Variants in OSBPL2 observed in about 807,000 individuals in gnomAD.
OSBPL2 encodes the protein oxysterol binding protein like 2, also known as oxysterol-binding protein-related protein 2.
A neutral mutation model predicts 58.4 loss-of-function variants in OSBPL2; 18 were observed. That is an observed-to-expected ratio of 0.31 (90% CI 0.21 to 0.46). The LOEUF (loss-of-function observed/expected upper bound fraction) is 0.46. OSBPL2 is among the 20% of genes least tolerant of loss of function. The pLI is 1.00. For missense variants in OSBPL2, 461 were observed against 616.5 expected (o/e 0.75, Z 2.67); for synonymous variants, 221 against 234.1 (o/e 0.94, Z 0.51).
Position 62,266,129 on chromosome 20 carries a change from AAAAT to A in OSBPL2, c.258+2446_258+2449del, listed in dbSNP as rs572690109. Among the ~76,000 whole-genome samples, 137 of 152,318 alleles carry A rather than the reference AAAAT, an allele frequency of 9.0e-4. No homozygotes were observed. In the South Asian group the frequency reaches 0.024, roughly 27 times the overall value. ...AGAGGGAAACCTTGTCTCTTAAAAA[AAAAT>A]AAATAAAGATTCTAGGACCAAAAGC... On this transcript the variant is annotated intron_variant, in intron 4 of 13. Transcript: ENST00000313733.
chr20:62,241,261 C>G (rs1303612055), intron 1 of OSBPL2, among the ~76,000 whole-genome samples: 1 of 152,032 alleles, frequency 6.6e-6, no homozygotes, highest in Non-Finnish European at 1.5e-5. Flanking sequence ...AACGCGAACT[C>G]AGCTCACTGC....
At chr20:62,243,274 C>T (rs890165545) in intron 1 of OSBPL2, among the ~76,000 whole-genome samples, 4 of 152,180 alleles carry the variant, frequency 2.6e-5, no homozygotes, top group Admixed American at 2.0e-4. Context: ...TGTAGCAGAG[C>T]TGGGAGTCTC....
chr20:62,250,603 G>C (rs1980459747), intron 1 of OSBPL2, among the ~76,000 whole-genome samples: 2 of 152,152 alleles, frequency 1.3e-5, no homozygotes, highest in Admixed American at 6.5e-5. Flanking sequence ...TTAGACTTTT[G>C]TTATAGGCAG....
At chr20:62,251,753 T>C (rs1298204885) in intron 1 of OSBPL2, among the ~76,000 whole-genome samples, 1 of 151,650 alleles carries the variant, frequency 6.6e-6, no homozygotes, top group Non-Finnish European at 1.5e-5. Context: ...TACCATCAGA[T>C]ACTCACTGTG....
chr20:62,264,714 C>G (rs1981558894), intron 4 of OSBPL2: 1 of 152,210 alleles, frequency 6.6e-6, no homozygotes. Flanking sequence ...TCGGAATAAC[C>G]ATAGGTCAGT....
rs1388254750 is a variant in OSBPL2 at position 62,288,469 on chromosome 20, C to T, written c.1126-738C>T. ...GCTGGGAGGCTGTGGGTACAGAGGCCGGAGGCTGTGGGTGCAGAGGCTGGG... is the reference window on the plus strand; with the variant it reads ...GCTGGGAGGCTGTGGGTACAGAGGCTGGAGGCTGTGGGTGCAGAGGCTGGG... On this transcript the variant is annotated intron_variant, in intron 11 of 13. Coordinates refer to ENST00000313733, the MANE Select transcript of OSBPL2 (RefSeq NM_144498.4). The surrounding 1 kb of genome is among the most constrained non-coding windows in gnomAD (Gnocchi z 4.8). Among the ~76,000 whole-genome samples the T allele has an allele frequency of 7.6e-5, 10 of 131,556 alleles. No individual in the cohort carries two copies. The highest frequency in any genetic ancestry group is 3.1e-4 in the Admixed American group (4 of 12,762). The allele number at this position is 131,556 out of a possible 152,430, so 86.3% of individuals were successfully genotyped here.
rs1983265195 is a variant in OSBPL2 at position 62,288,368 on chromosome 20, C to CTGCAGAGGCCGGAGGCTGTGGG, written c.1126-829_1126-808dup. On this transcript the variant is annotated intron_variant, in intron 11 of 13. Transcript: ENST00000313733. The surrounding 1 kb of genome is among the most constrained non-coding windows in gnomAD (Gnocchi z 4.8). ...CTGAGTGGAGCCAGGGCCCTGAGGGCTGCAGAGGCCGGAGGCTGTGGGTGC... is the reference window on the plus strand; with the variant it reads ...CTGAGTGGAGCCAGGGCCCTGAGGGCTGCAGAGGCCGGAGGCTGTGGGTGCAGAGGCCGGAGGCTGTGGGTGC... 6.6e-6 allele frequency among the ~76,000 whole-genome samples: 1 copy of CTGCAGAGGCCGGAGGCTGTGGG among 151,652 alleles called. No individual in the cohort carries two copies. The highest frequency in any genetic ancestry group is 1.9e-4 in the East Asian group (1 of 5,166).
At chr20:62,245,212 C>A (rs1273510632) in intron 1 of OSBPL2, among the ~76,000 whole-genome samples, 1 of 151,852 alleles carries the variant, frequency 6.6e-6, no homozygotes, top group Non-Finnish European at 1.5e-5. Context: ...GATTCTTGTG[C>A]CTCAGCCTTC....
chr20:62,277,077 C>T (rs1277171089), intron 6 of OSBPL2, among the ~76,000 whole-genome samples: 2 of 151,780 alleles, frequency 1.3e-5, no homozygotes, highest in Admixed American at 6.6e-5. Flanking sequence ...GGTGAAACCT[C>T]GTTTCTGCTA....
intron 3 of OSBPL2, among the ~76,000 whole-genome samples, chr20:62,262,152 C>G (rs1267906518): frequency 6.6e-6 from 1 of 152,004 alleles, no homozygotes; most frequent in African/African-American, 2.4e-5. Flanking sequence ...GCCTCACACT[C>G]CTGCTCCTAC....
At chr20:62,247,303 C>T (rs1445816740) in intron 1 of OSBPL2, among the ~76,000 whole-genome samples, 2 of 152,200 alleles carry the variant, frequency 1.3e-5, no homozygotes, top group South Asian at 4.1e-4. Context: ...TGTGGGTCCT[C>T]TGGGGTCGCT....
intron 1 of OSBPL2, among the ~76,000 whole-genome samples, chr20:62,247,282 G>A (rs1980186627): frequency 6.6e-6 from 1 of 152,254 alleles, no homozygotes; most frequent in South Asian, 2.1e-4. Context: ...CTTAGGCACT[G>A]AAGATCTTCC....
chr20:62,289,479 C>A, intron 12 of OSBPL2, 149 bp downstream of exon 12: 1 of 918,520 alleles, frequency 1.1e-6, no homozygotes, highest in Non-Finnish European at 1.6e-6. Flanking sequence ...AGGCTGCAGG[C>A]CTTCTAACTA....
intron 1 of OSBPL2, among the ~76,000 whole-genome samples, chr20:62,246,754 C>G (rs1234196664): frequency 2.0e-5 from 3 of 152,212 alleles, no homozygotes; most frequent in Admixed American, 1.3e-4. Context: ...GTGCAGGCAT[C>G]TCACACCAGG....
chr20:62,287,322 T>A (rs188987687), intron 11 of OSBPL2, among the ~76,000 whole-genome samples: 1 of 152,062 alleles, frequency 6.6e-6, no homozygotes, highest in African/African-American at 2.4e-5. Flanking sequence ...ATGCAACTTA[T>A]GCAATTTTGT....
At chr20:62,263,732 C>T (rs762702741) in intron 4 of OSBPL2, 41 bp downstream of exon 4, 1 of 1,552,310 alleles carries the variant, frequency 6.4e-7, no homozygotes, top group African/African-American at 1.4e-5. Flanking sequence ...GGCTGCACCA[C>T]TGACTCCTGG....
chr20:62,278,846 G>T, intron 6 of OSBPL2: 1 of 325,940 alleles, frequency 3.1e-6, no homozygotes. Context: ...TTGCCGTTAG[G>T]CCGAGTGCGA....
At position 62,281,791 on chromosome 20, in the gene OSBPL2, A is replaced by G. The variant is rs1356630725; in HGVS notation, c.784A>G (p.Thr262Ala). Residue 262 changes from threonine (T) to alanine (A), a missense_variant and splice_region_variant, in exon 9 of 14, where the codon ACT (threonine) becomes GCT (alanine). Coordinates refer to ENST00000313733, the MANE Select transcript of OSBPL2 (RefSeq NM_144498.4). ...YGTVEILNHR[T>A]GHKCVLHFKP... ...AACCTGTGTTTGTTTTTCTCACAGAACTGGACATAAGTGTGTGCTTCACTT... is the reference window on the plus strand; with the variant it reads ...AACCTGTGTTTGTTTTTCTCACAGAGCTGGACATAAGTGTGTGCTTCACTT... The G allele has an allele frequency of 2.8e-5, 45 of 1,602,614 alleles. No individual in the cohort carries two copies. Among genetic ancestry groups the G allele is most frequent in the Non-Finnish European group, 3.7e-5 (43 of 1,170,084 alleles).
chr20:62,272,017 AC>A, intron 4 of OSBPL2, 107 bp from the exon 5 acceptor site: 7 of 1,387,074 alleles, frequency 5.0e-6, no homozygotes, highest in Non-Finnish European at 6.0e-6. Flanking sequence ...ATCCGGTTCA[AC>A]CCCAGAGGCT....
Sources: gnomAD v4.1 joint callset for allele counts (sites outside exome capture counted in the v4.1 genomes callset) on GRCh38, gnomAD v4.1.1 for gene constraint, Gnocchi (gnomAD v3.1) non-coding constraint, MANE v1.5 for transcripts, NCBI Gene and HGNC (gene_info 2026-07-23, HGNC 2026-07-21) for gene names.